The following CCSER2 variants were observed in gnomAD, a reference collection of about 807,000 sequenced individuals.
CCSER2 encodes the protein serine-rich coiled-coil domain-containing protein 2.
Under a neutral mutation model 92.3 loss-of-function variants are expected in CCSER2, and 46 were observed. The observed-to-expected ratio is 0.50, with a 90% confidence interval of 0.39 to 0.64. The LOEUF (loss-of-function observed/expected upper bound fraction) is 0.64. Ranked by LOEUF, CCSER2 falls within the 30% of genes least tolerant of loss-of-function variation. The pLI is 0.00. For missense variants in CCSER2, 1,244 were observed against 1,238.9 expected, an observed-to-expected ratio of 1.00 and a Z score of -0.06; for synonymous variants, 433 against 431.4, an observed-to-expected ratio of 1.00 and a Z score of -0.04.
intron 9 of CCSER2, among the ~76,000 whole-genome samples, chr10:84,496,559 A>T (rs1465536306): frequency 6.6e-6 from 1 of 152,160 alleles, no homozygotes; most frequent in Non-Finnish European, 1.5e-5. Context: ...TGCTGGGATT[A>T]CAGGCATGAG....
At chr10:84,351,894 T>G (rs1001722480) in intron 1 of CCSER2, among the ~76,000 whole-genome samples, 2 of 152,122 alleles carry the variant, frequency 1.3e-5, no homozygotes, top group African/African-American at 4.8e-5. Context: ...GGCAGATATA[T>G]GTATTGGGTA....
At chr10:84,437,956 C>T (rs138344711) in intron 5 of CCSER2, among the ~76,000 whole-genome samples, 278 of 151,188 alleles carry the variant, frequency 1.8e-3, no homozygotes, top group African/African-American at 6.5e-3. Flanking sequence ...AGGAAATATG[C>T]GGTATATATA....
rs143916049 is a variant in CCSER2 at position 84,465,628 on chromosome 10, G to C, written c.2148+1612G>C. 2.3e-4 allele frequency among the ~76,000 whole-genome samples: 35 copies of C among 152,010 alleles called. 2 individuals are homozygous for C. In the East Asian group the frequency reaches 6.8e-3, roughly 29 times the overall value. ...GGCATGAGCCATCGCACCCGGACAA[G>C]AAATTATGTTTTAAAGAAAAAAAAT... On this transcript the variant is annotated intron_variant, in intron 7 of 9. Transcript: ENST00000372088.
At chr10:84,428,115 A>G (rs1157134426) in intron 5 of CCSER2, among the ~76,000 whole-genome samples, 1 of 152,096 alleles carries the variant, frequency 6.6e-6, no homozygotes, top group Non-Finnish European at 1.5e-5. Context: ...GTTCATGTAC[A>G]TGAGTCATTT....
intron 1 of CCSER2, among the ~76,000 whole-genome samples, chr10:84,355,523 T>C (rs1367371658): frequency 2.6e-5 from 4 of 152,194 alleles, no homozygotes; most frequent in African/African-American, 9.6e-5. Context: ...TGTTCCCCCA[T>C]GTGCTACCCC....
intron 6 of CCSER2, among the ~76,000 whole-genome samples, chr10:84,451,952 G>GT (rs1403859740): frequency 1.3e-5 from 2 of 152,032 alleles, no homozygotes; most frequent in Non-Finnish European, 2.9e-5. Context: ...GAATTTTACA[G>GT]TATTACTCAA....
chr10:84,471,800 T>A (rs576392162), intron 8 of CCSER2, among the ~76,000 whole-genome samples: 6 of 152,196 alleles, frequency 3.9e-5, no homozygotes, highest in South Asian at 2.1e-4. Flanking sequence ...ATCCTTAATT[T>A]TTCTGAAATT....
At chr10:84,410,732 G>C (rs1441206063) in intron 3 of CCSER2, among the ~76,000 whole-genome samples, 1 of 152,176 alleles carries the variant, frequency 6.6e-6, no homozygotes, top group African/African-American at 2.4e-5. Context: ...TCACCCTTAT[G>C]ATAGTTTCCT....
rs150495903 is a variant in CCSER2 at position 84,482,286 on chromosome 10, A to G, written c.2325+4622A>G. Among the ~76,000 whole-genome samples, 939 of 152,290 alleles carry G rather than the reference A, an allele frequency of 6.2e-3. 6 individuals carry two copies. The highest frequency in any genetic ancestry group is 0.021 in the African/African-American group (859 of 41,570). On this transcript the variant is annotated intron_variant, in intron 9 of 9. Transcript: ENST00000372088. ...CTGAGGGGCAAAATACCCGGATACAATGGTGAAATGAGTAACGCGAAAAGA... is the reference window on the plus strand; with the variant it reads ...CTGAGGGGCAAAATACCCGGATACAGTGGTGAAATGAGTAACGCGAAAAGA...
intron 3 of CCSER2, chr10:84,389,771 A>G (rs1378761101): frequency 6.5e-6 from 1 of 153,106 alleles, no homozygotes; most frequent in Non-Finnish European, 1.5e-5. Flanking sequence ...GGTTTTGTTA[A>G]TCAGGGACTT....
At chr10:84,495,962 AT>A (rs1344266865) in intron 9 of CCSER2, among the ~76,000 whole-genome samples, 13 of 135,588 alleles carry the variant, frequency 9.6e-5, no homozygotes, top group East Asian at 2.3e-4. Context: ...CTGCCATTTT[AT>A]TTTTTTCTTT....
chr10:84,447,265 C>A (rs1367204561), intron 6 of CCSER2, among the ~76,000 whole-genome samples: 2 of 152,098 alleles, frequency 1.3e-5, no homozygotes, highest in Non-Finnish European at 2.9e-5. Flanking sequence ...TTGATAATAC[C>A]CAACTTACGA....
intron 6 of CCSER2, among the ~76,000 whole-genome samples, chr10:84,439,203 T>TTTTC (rs1844376461): frequency 6.6e-6 from 1 of 151,062 alleles, no homozygotes; most frequent in Non-Finnish European, 1.5e-5. Flanking sequence ...CTTTTCTTTT[T>TTTTC]TTTTTTTGAG....
At chr10:84,448,599 G>A (rs2133571502) in intron 6 of CCSER2, among the ~76,000 whole-genome samples, 2 of 152,280 alleles carry the variant, frequency 1.3e-5, no homozygotes, top group East Asian at 3.9e-4. Context: ...GAGACAGAAT[G>A]TACATTCAAA....
chr10:84,433,182 C>A (rs1197420543), intron 5 of CCSER2, among the ~76,000 whole-genome samples: 1 of 152,064 alleles, frequency 6.6e-6, no homozygotes, highest in Non-Finnish European at 1.5e-5. Context: ...AATATTGTTT[C>A]GGATATTTTG....
At chr10:84,431,603 G>A (rs1296692224) in intron 5 of CCSER2, among the ~76,000 whole-genome samples, 13 of 152,148 alleles carry the variant, frequency 8.5e-5, no homozygotes, top group African/African-American at 2.2e-4. Flanking sequence ...TTAGCTGGGC[G>A]TGGTGGCACG....
chr10:84,446,416 G>T (rs1372081045), intron 6 of CCSER2, among the ~76,000 whole-genome samples: 1 of 152,110 alleles, frequency 6.6e-6, no homozygotes, highest in Non-Finnish European at 1.5e-5. Flanking sequence ...ACTGTGTGTG[G>T]GGGCAGTGGG....
chr10:84,444,194 A>G (rs2133548804), intron 6 of CCSER2, among the ~76,000 whole-genome samples: 1 of 152,226 alleles, frequency 6.6e-6, no homozygotes, highest in East Asian at 1.9e-4. Context: ...ACATAGATAG[A>G]TTTAGGGCAG....
At chr10:84,509,222 A>G (rs1849224683) in intron 9 of CCSER2, among the ~76,000 whole-genome samples, 1 of 152,176 alleles carries the variant, frequency 6.6e-6, no homozygotes, top group Admixed American at 6.5e-5. Flanking sequence ...TTAATCATTA[A>G]TGCTTCATCA....
Sources: allele counts gnomAD v4.1 joint callset (sites outside exome capture counted in the v4.1 genomes callset), GRCh38; gene constraint gnomAD v4.1.1; transcripts MANE v1.5; gene names NCBI Gene and HGNC (gene_info 2026-07-23, HGNC 2026-07-21).